Variants in PSEN1 observed in about 807,000 individuals in gnomAD.
PSEN1 encodes presenilin 1.
A neutral mutation model predicts 53.5 loss-of-function variants in PSEN1; 15 were observed. The observed-to-expected ratio is 0.28, with a 90% CI of 0.19 to 0.43. The LOEUF (loss-of-function observed/expected upper bound fraction) is 0.43, where lower values mean the gene tolerates loss of function less well. Ranked by LOEUF, PSEN1 falls within the 20% of genes least tolerant of loss-of-function variation. The pLI, the probability that PSEN1 is intolerant of heterozygous loss-of-function variation, is 1.00. For synonymous variants in PSEN1, 208 were observed against 209.8 expected, an observed-to-expected ratio of 0.99 and a Z score of 0.08; for missense variants, 387 against 571.2, an observed-to-expected ratio of 0.68 and a Z score of 3.29.
At chr14:73,184,671 G>A (rs1300524048) in intron 5 of PSEN1, among the ~76,000 whole-genome samples, 9 of 149,574 alleles carry the variant, frequency 6.0e-5, no homozygotes, top group Non-Finnish European at 1.0e-4. Context: ...CCTCCCGGAC[G>A]GAGCGGCTGG....
chr14:73,215,260 CA>C (rs1157802372), intron 10 of PSEN1, among the ~76,000 whole-genome samples: 1 of 149,052 alleles, frequency 6.7e-6, no homozygotes, highest in Non-Finnish European at 1.5e-5. Flanking sequence ...TGTGCCCGGC[CA>C]AAAAAATTTT....
chr14:73,197,802 C>T, intron 7 of PSEN1: 1 of 534,824 alleles, frequency 1.9e-6, no homozygotes, highest in South Asian at 2.1e-5. Context: ...AGCAGTCAAA[C>T]CCAAATGAAA....
In PSEN1 at chr14:73,217,237, T is replaced by G; in HGVS notation, c.1241T>G (p.Ile414Arg). 6.2e-7 allele frequency: 1 copy of G among 1,614,132 alleles called. No homozygotes were observed. The highest frequency in any genetic ancestry group is 1.1e-5 in the South Asian group (1 of 91,080). The change falls in exon 11 of 12, where the codon ATA (isoleucine) becomes AGA (arginine). Residue 414 changes from isoleucine to arginine, a missense_variant. Ile to Arg is a moderately conservative substitution (Grantham distance 97). This residue lies in a region of PSEN1 where 44 missense variants were observed against 106.3 expected (regional missense o/e 0.41). Transcript: ENST00000324501. ...ACAACCATAGCCTGTTTCGTAGCCA[T>G]ATTAATTGTAAGTATACACTAATAA... ...WNTTIACFVA[I>R]LIGLCLTLLL...
Position 73,162,014 on chromosome 14 carries a change from AAATAG to A in PSEN1, c.88-8780_88-8776del, listed in dbSNP as rs1222468710. Reference sequence around the variant, plus strand: ...CACTAAAAAAAAAAAAAAAAAAAAAAAATAGAAAAAGAAACCAAACCAGGTGTGGT... The same window carrying A: ...CACTAAAAAAAAAAAAAAAAAAAAAAAAAAAGAAACCAAACCAGGTGTGGT... On this transcript the variant is annotated intron_variant, in intron 3 of 11. Coordinates refer to ENST00000324501, the MANE Select transcript of PSEN1 (RefSeq NM_000021.4). 3.3e-5 allele frequency among the ~76,000 whole-genome samples: 5 copies of A among 150,402 alleles called. No individual in the cohort carries two copies. In the East Asian group the frequency reaches 9.8e-4, roughly 29 times the overall value.
At chr14:73,158,363 G>C (rs1161343727) in intron 3 of PSEN1, among the ~76,000 whole-genome samples, 1 of 149,926 alleles carries the variant, frequency 6.7e-6, no homozygotes, top group Admixed American at 6.7e-5. Context: ...GCTCCATCTG[G>C]AGCAAAGGCT....
intron 4 of PSEN1, among the ~76,000 whole-genome samples, chr14:73,172,123 C>T (rs1897908962): frequency 6.6e-6 from 1 of 152,186 alleles, no homozygotes; most frequent in African/African-American, 2.4e-5. Context: ...AGCCAGCACT[C>T]TCTAGACTCC....
chr14:73,195,104 T>A lies in PSEN1; in HGVS notation c.769+2240T>A, dbSNP rs191776809. Among the ~76,000 whole-genome samples, 179 of 152,354 alleles carry A rather than the reference T, an allele frequency of 1.2e-3. 1 individual carries two copies. The highest frequency in any genetic ancestry group is 4.2e-3 in the African/African-American group (176 of 41,586). The stretch of plus-strand genomic sequence containing the variant: ...GGTTTGCAAAGTAACCATCTATTCT[T>A]GCTTAGCTGTGAGTAAGAATGCCAG... On this transcript the variant is annotated intron_variant, in intron 7 of 11. Transcript: ENST00000324501.
intron 7 of PSEN1, among the ~76,000 whole-genome samples, chr14:73,195,182 AT>A (rs1261326791): frequency 1.3e-5 from 2 of 151,462 alleles, no homozygotes; most frequent in Non-Finnish European, 2.9e-5. Flanking sequence ...TTTTATTTTT[AT>A]TTTTTTTGAG....
In PSEN1 at chr14:73,223,466, GT is replaced by G. The variant is rs1009357065; in HGVS notation, c.*4182del. 2 of 152,258 alleles carry G rather than the reference GT, an allele frequency of 1.3e-5. No homozygotes were observed. Among genetic ancestry groups the G allele is most frequent in the African/African-American group, 2.4e-5 (1 of 41,460 alleles). The allele number at this position is 152,258 out of a possible 1,614,324, so 9.4% of individuals were successfully genotyped here. A position where few individuals can be genotyped will look rare whatever the true frequency, so the allele number is the denominator to read the frequency against. Reference sequence around the variant, plus strand: ...ATAGTAGCAAGTACAGGACTGTCTTGTTTTTGGTGTCCTTGGAGGTGCTGGG... The same window carrying G: ...ATAGTAGCAAGTACAGGACTGTCTTGTTTTGGTGTCCTTGGAGGTGCTGGG... On this transcript the variant is annotated 3_prime_UTR_variant, in exon 12 of 12. Coordinates refer to ENST00000324501, the MANE Select transcript of PSEN1 (RefSeq NM_000021.4).
At chr14:73,137,931 G>A (rs2140484789) in intron 1 of PSEN1, among the ~76,000 whole-genome samples, 1 of 152,044 alleles carries the variant, frequency 6.6e-6, no homozygotes, top group Admixed American at 6.6e-5. Flanking sequence ...AGCTGGGCGT[G>A]GGGGCGCGCG....
intron 6 of PSEN1, among the ~76,000 whole-genome samples, chr14:73,190,811 A>G (rs1898687445): frequency 1.3e-5 from 2 of 152,214 alleles, no homozygotes; most frequent in South Asian, 2.1e-4. Context: ...TGAATTTTAT[A>G]TCTTATTCAT....
At chr14:73,182,108 A>G (rs1259734291) in intron 5 of PSEN1, among the ~76,000 whole-genome samples, 1 of 152,272 alleles carries the variant, frequency 6.6e-6, no homozygotes, top group Non-Finnish European at 1.5e-5. Context: ...TTTGGTTGTC[A>G]CTGGCCTTTA....
intron 1 of PSEN1, among the ~76,000 whole-genome samples, chr14:73,145,350 T>C (rs537496980): frequency 6.6e-6 from 1 of 152,250 alleles, no homozygotes; most frequent in Non-Finnish European, 1.5e-5. Flanking sequence ...TATTTGTTTT[T>C]TTGAGACAGG....
At chr14:73,148,472 A>G (rs987634475) in intron 3 of PSEN1, among the ~76,000 whole-genome samples, 2 of 152,178 alleles carry the variant, frequency 1.3e-5, no homozygotes, top group Admixed American at 6.5e-5. Flanking sequence ...TGCTCAGTAA[A>G]TATTCATTAT....
intron 3 of PSEN1, among the ~76,000 whole-genome samples, chr14:73,164,934 A>G (rs1025925680): frequency 1.3e-5 from 2 of 152,168 alleles, no homozygotes; most frequent in Admixed American, 6.5e-5. Context: ...TCTCTAACCA[A>G]CACTTCTGTC....
At chr14:73,182,272 G>T (rs1015197989) in intron 5 of PSEN1, among the ~76,000 whole-genome samples, 4 of 151,806 alleles carry the variant, frequency 2.6e-5, no homozygotes, top group Non-Finnish European at 4.4e-5. Flanking sequence ...TTGAAGCCAG[G>T]AGTTCAAAAC....
Position 73,217,255 on chromosome 14 carries a change from A to T in PSEN1, c.1248+11A>T. ...GTAGCCATATTAATTGTAAGTATAC[A>T]CTAATAAGAATGTGTCAGAGCTCTT... is the stretch of plus-strand genomic sequence containing the variant. On this transcript the variant is annotated intron_variant, in intron 11 of 11. Transcript: ENST00000324501. 1.2e-6 allele frequency: 2 copies of T among 1,613,970 alleles called. No homozygotes were observed. The highest frequency in any genetic ancestry group is 2.2e-5 in the South Asian group (2 of 91,080).
intron 1 of PSEN1, chr14:73,139,440 G>A (rs1896853901): frequency 6.6e-6 from 1 of 151,286 alleles, no homozygotes; most frequent in Admixed American, 6.6e-5. Flanking sequence ...AATTAGCCGG[G>A]TGTGTTGGCG....
intron 3 of PSEN1, 44 bp downstream of exon 3, chr14:73,148,150 A>G: frequency 7.0e-7 from 1 of 1,430,770 alleles, no homozygotes; most frequent in Non-Finnish European, 9.8e-7. Context: ...GACTGGATTC[A>G]CTTATCATCT....
Sources: allele counts gnomAD v4.1 joint callset (sites outside exome capture counted in the v4.1 genomes callset), GRCh38; gene constraint gnomAD v4.1.1; regional missense constraint gnomAD v4.1.1; transcripts MANE v1.5; gene names NCBI Gene and HGNC (gene_info 2026-07-23, HGNC 2026-07-21).